Variants in FANCB observed in about 807,000 individuals in gnomAD.
FANCB encodes FA complementation group B.
A neutral mutation model predicts 38.9 loss-of-function variants in FANCB; 5 were observed. That is an observed-to-expected ratio of 0.13 (90% CI 0.07 to 0.27). The LOEUF (loss-of-function observed/expected upper bound fraction) is 0.27. FANCB is among the 10% of genes least tolerant of loss of function. The pLI, the probability that FANCB is intolerant of heterozygous loss-of-function variation, is 1.00. For synonymous variants in FANCB, 236 were observed against 215.4 expected, an observed-to-expected ratio of 1.10 and a Z score of -0.84; for missense variants, 573 against 602.7, an observed-to-expected ratio of 0.95 and a Z score of 0.52.
At chrX:14,819,542 A>C in the FANCB span, among the ~76,000 whole-genome samples, 1 of 111,841 alleles carries the variant, frequency 8.9e-6, no homozygotes, top group Non-Finnish European at 1.9e-5. Context: ...AACAGCCCCC[A>C]GCTAAAGACC....
intron 6 of FANCB, 77 bp from the exon 7 acceptor site, chrX:14,850,751 G>T: frequency 1.7e-6 from 1 of 599,150 alleles, no homozygotes; most frequent in Non-Finnish European, 2.6e-6. Context: ...AAAAAGTTAA[G>T]TGTGCTTTTG....
intron 2 of FANCB, among the ~76,000 whole-genome samples, chrX:14,866,208 AATGCATTTGT>A (rs1234110583): frequency 2.7e-5 from 3 of 112,141 alleles, no homozygotes; most frequent in Non-Finnish European, 3.8e-5. Context: ...TTACAAAGGC[AATGCATTTGT>A]ATGCATTTGT....
chrX:14,705,721 C>A, the FANCB span, among the ~76,000 whole-genome samples: 3 of 112,026 alleles, frequency 2.7e-5, no homozygotes, highest in African/African-American at 9.7e-5. Context: ...ACATAAAGTT[C>A]TTTTTATTTA....
At chrX:14,849,683 T>C (rs761653925) in intron 7 of FANCB, among the ~76,000 whole-genome samples, 2 of 112,576 alleles carry the variant, frequency 1.8e-5, no homozygotes, top group East Asian at 5.6e-4. Context: ...CTTTGGTCAA[T>C]AGTCTCTAAG....
chrX:14,700,418 A>G, the FANCB span, among the ~76,000 whole-genome samples: 1 of 111,345 alleles, frequency 9.0e-6, no homozygotes, highest in Non-Finnish European at 1.9e-5. Flanking sequence ...TGTGAGCACC[A>G]GCATATCAGA....
chrX:14,807,625 C>G, the FANCB span, among the ~76,000 whole-genome samples: 3 of 111,623 alleles, frequency 2.7e-5, no homozygotes, highest in Non-Finnish European at 5.7e-5. Context: ...TGCTTAGATT[C>G]TATGGCTTTT....
the FANCB span, among the ~76,000 whole-genome samples, chrX:14,775,715 G>C: frequency 8.9e-6 from 1 of 111,909 alleles, no homozygotes; most frequent in Non-Finnish European, 1.9e-5. Flanking sequence ...ACAAAATCCT[G>C]CACAACAAGC....
the FANCB span, among the ~76,000 whole-genome samples, chrX:14,748,960 A>G: frequency 8.9e-6 from 1 of 112,196 alleles, no homozygotes; most frequent in Non-Finnish European, 1.9e-5. Context: ...GAATGTATAA[A>G]GTATGACTTA....
chrX:14,807,016 T>C, the FANCB span, among the ~76,000 whole-genome samples: 6 of 111,412 alleles, frequency 5.4e-5, no homozygotes, highest in Non-Finnish European at 9.4e-5. Context: ...GAGAGGGAAG[T>C]GTGTGGAAGA....
the FANCB span, among the ~76,000 whole-genome samples, chrX:14,709,569 A>G: frequency 8.9e-6 from 1 of 112,242 alleles, no homozygotes; most frequent in Non-Finnish European, 1.9e-5. Context: ...TTCCAGCAAG[A>G]GTTGCGTATA....
At chrX:14,830,310 C>T in the FANCB span, among the ~76,000 whole-genome samples, 1 of 111,595 alleles carries the variant, frequency 9.0e-6, no homozygotes, top group Non-Finnish European at 1.9e-5. Context: ...AAATATGACA[C>T]AGAGACACAA....
chrX:14,818,136 GGAGT>G, the FANCB span, among the ~76,000 whole-genome samples: 1 of 110,859 alleles, frequency 9.0e-6, no homozygotes, highest in Non-Finnish European at 1.9e-5. Flanking sequence ...GGGTGTCAAA[GGAGT>G]GAGAAAGCAT....
the FANCB span, among the ~76,000 whole-genome samples, chrX:14,703,097 A>G: frequency 8.9e-6 from 1 of 112,041 alleles, no homozygotes; most frequent in Non-Finnish European, 1.9e-5. Context: ...GTCAGGGTCT[A>G]GATGGCTAAA....
At chrX:14,782,667 G>A in the FANCB span, among the ~76,000 whole-genome samples, 14 of 111,936 alleles carry the variant, frequency 1.3e-4, no homozygotes, top group Admixed American at 2.8e-4. Flanking sequence ...AGCACCTGAA[G>A]CTCAAATTGA....
downstream of FANCB, among the ~76,000 whole-genome samples, chrX:14,841,761 A>G (rs768500510): frequency 4.2e-4 from 47 of 111,912 alleles, no homozygotes; most frequent in Middle Eastern, 4.6e-3. Context: ...CTGAATCATG[A>G]AAGTGGCAAG....
At chrX:14,727,087 T>C in the FANCB span, among the ~76,000 whole-genome samples, 1 of 112,049 alleles carries the variant, frequency 8.9e-6, no homozygotes, top group East Asian at 2.8e-4. Context: ...GAATAGGTTG[T>C]ACATTTTAGA....
At chrX:14,769,204 T>A in the FANCB span, among the ~76,000 whole-genome samples, 2 of 111,660 alleles carry the variant, frequency 1.8e-5, no homozygotes, top group African/African-American at 6.5e-5. Context: ...AGTCCCTCCT[T>A]TTCAATCTAT....
chrX:14,747,753 G>A, the FANCB span, among the ~76,000 whole-genome samples: 14 of 112,084 alleles, frequency 1.2e-4, no homozygotes, highest in Non-Finnish European at 2.1e-4. Context: ...GGTTGGTTTG[G>A]TACCAAGGAA....
the FANCB span, among the ~76,000 whole-genome samples, chrX:14,809,461 C>T: frequency 9.0e-6 from 1 of 111,089 alleles, no homozygotes; most frequent in East Asian, 2.8e-4. Flanking sequence ...CCTGGAAAAT[C>T]GGGTCACTCC....
Sources: gnomAD v4.1 joint callset for allele counts (sites outside exome capture counted in the v4.1 genomes callset) on GRCh38, gnomAD v4.1.1 for gene constraint, MANE v1.5 for transcripts, NCBI Gene and HGNC (gene_info 2026-07-23, HGNC 2026-07-21) for gene names.